Variants in NEBL observed in about 807,000 individuals in gnomAD.
NEBL encodes the protein LIM and SH3 protein 2.
Under a neutral mutation model 140.2 loss-of-function variants are expected in NEBL, and 122 were observed. The ratio of observed to expected loss-of-function variants is 0.87; its 90% CI spans 0.75 to 1.01. The LOEUF is 1.01. Among genes scored for constraint, NEBL ranks in the 50% least tolerant of loss-of-function variants. The pLI is 0.00. For synonymous variants in NEBL, 436 were observed against 398.9 expected (o/e 1.09, Z -1.11); for missense variants, 1,365 against 1,231.3 (o/e 1.11, Z -1.62).
At chr10:21,097,096 A>G (rs1837222647) in intron 2 of NEBL, among the ~76,000 whole-genome samples, 1 of 152,044 alleles carries the variant, frequency 6.6e-6, no homozygotes, top group African/African-American at 2.4e-5. Flanking sequence ...CACTCTCCTA[A>G]TACTTTATTG....
intron 1 of NEBL, among the ~76,000 whole-genome samples, chr10:21,270,207 T>G (rs1199932710): frequency 1.3e-5 from 2 of 152,192 alleles, no homozygotes; most frequent in East Asian, 3.8e-4. Context: ...TGAGAAATAT[T>G]AATTTCTTAA....
chr10:20,956,099 C>A (rs1393364503), intron 4 of NEBL, among the ~76,000 whole-genome samples: 1 of 152,024 alleles, frequency 6.6e-6, no homozygotes, highest in African/African-American at 2.4e-5. Context: ...AAGAAGAGAT[C>A]AGCCTTTGAA....
At chr10:21,258,818 G>A (rs1370098277) in intron 1 of NEBL, among the ~76,000 whole-genome samples, 1 of 152,184 alleles carries the variant, frequency 6.6e-6, no homozygotes, top group East Asian at 1.9e-4. Context: ...AGCAGAGGTT[G>A]CAATGAGCCG....
chr10:21,167,815 C>T (rs1264817153), intron 2 of NEBL, among the ~76,000 whole-genome samples: 2 of 152,228 alleles, frequency 1.3e-5, no homozygotes, highest in African/African-American at 2.4e-5. Flanking sequence ...TTCTCGGCAC[C>T]TCTTAGTGAT....
intron 2 of NEBL, among the ~76,000 whole-genome samples, chr10:21,098,935 G>A (rs974029024): frequency 6.6e-6 from 1 of 151,970 alleles, no homozygotes; most frequent in Non-Finnish European, 1.5e-5. Context: ...CCAGGAGTTC[G>A]AGACCAGCCT....
At chr10:21,275,053 A>C (rs1018033842) in intron 1 of NEBL, among the ~76,000 whole-genome samples, 1 of 152,026 alleles carries the variant, frequency 6.6e-6, no homozygotes, top group Non-Finnish European at 1.5e-5. Context: ...TCAAGGGCTA[A>C]CTGTAAATTC....
At chr10:21,117,596 G>C (rs1838342339) in intron 2 of NEBL, among the ~76,000 whole-genome samples, 1 of 152,298 alleles carries the variant, frequency 6.6e-6, no homozygotes, top group East Asian at 1.9e-4. Context: ...AAAGGTCACT[G>C]TCTGTGCTGC....
intron 2 of NEBL, chr10:21,171,608 T>C (rs192809853): frequency 1.4e-4 from 21 of 152,414 alleles, no homozygotes; most frequent in African/African-American, 4.6e-4. Context: ...GTAATAATAG[T>C]GTCCCCTAAC....
chr10:20,879,334 C>T (rs1178347876), intron 5 of NEBL, among the ~76,000 whole-genome samples: 1 of 152,118 alleles, frequency 6.6e-6, no homozygotes, highest in Non-Finnish European at 1.5e-5. Flanking sequence ...CATGGCTGTG[C>T]TCAGTAAGTG....
At chr10:21,220,863 A>C (rs2132244823) in intron 3 of NEBL, among the ~76,000 whole-genome samples, 1 of 152,334 alleles carries the variant, frequency 6.6e-6, no homozygotes, top group South Asian at 2.1e-4. Flanking sequence ...TCTTCTCAAA[A>C]CAAGACATAC....
intron 1 of NEBL, among the ~76,000 whole-genome samples, chr10:21,263,179 C>T (rs1268807976): frequency 1.3e-5 from 2 of 152,176 alleles, no homozygotes; most frequent in African/African-American, 4.8e-5. Context: ...GGTATTTACC[C>T]ATTTAATCCT....
At chr10:21,114,842 T>C (rs767089467) in intron 2 of NEBL, among the ~76,000 whole-genome samples, 15 of 151,860 alleles carry the variant, frequency 9.9e-5, no homozygotes, top group Non-Finnish European at 2.2e-4. Flanking sequence ...TTTTTTTTAA[T>C]CCAGTCTGAC....
chr10:21,098,410 T>C (rs572277634), intron 2 of NEBL, among the ~76,000 whole-genome samples: 2 of 152,294 alleles, frequency 1.3e-5, no homozygotes, highest in African/African-American at 4.8e-5. Flanking sequence ...GCTCATTGAA[T>C]TGAAATATGG....
intron 4 of NEBL, among the ~76,000 whole-genome samples, chr10:20,960,190 T>C (rs1169242330): frequency 6.6e-6 from 1 of 152,116 alleles, no homozygotes; most frequent in Admixed American, 6.5e-5. Context: ...TGAAGATGTA[T>C]AATATAACTG....
intron 3 of NEBL, among the ~76,000 whole-genome samples, chr10:21,236,064 CA>C (rs1469043741): frequency 1.3e-5 from 2 of 152,168 alleles, no homozygotes; most frequent in African/African-American, 4.8e-5. Context: ...ATTTATATGA[CA>C]AAACAGAAGT....
intron 4 of NEBL, among the ~76,000 whole-genome samples, chr10:20,953,488 A>G (rs1835608843): frequency 6.7e-6 from 1 of 149,810 alleles, no homozygotes. Flanking sequence ...GTGCCTGAGC[A>G]GACTAAGACA....
intron 2 of NEBL, among the ~76,000 whole-genome samples, chr10:21,141,454 G>C (rs1266504099): frequency 6.6e-6 from 1 of 152,132 alleles, no homozygotes; most frequent in Non-Finnish European, 1.5e-5. Context: ...TGACCATTTG[G>C]AGAATTTGGA....
chr10:20,908,108 T>G (rs1848177742), intron 4 of NEBL, among the ~76,000 whole-genome samples: 1 of 152,140 alleles, frequency 6.6e-6, no homozygotes, highest in Non-Finnish European at 1.5e-5. Context: ...TGCCAAGCAC[T>G]GTGCTGTGAG....
intron 9 of NEBL, among the ~76,000 whole-genome samples, chr10:20,855,106 A>T (rs1189081204): frequency 6.6e-6 from 1 of 151,630 alleles, no homozygotes; most frequent in Non-Finnish European, 1.5e-5. Flanking sequence ...ACCTAGTAGT[A>T]GTAGTCCCAG....
Sources: gnomAD v4.1 joint callset for allele counts (sites outside exome capture counted in the v4.1 genomes callset) on GRCh38, gnomAD v4.1.1 for gene constraint, MANE v1.5 for transcripts, NCBI Gene and HGNC (gene_info 2026-07-23, HGNC 2026-07-21) for gene names.